SEMA3A: variants seen among roughly 807,000 people sequenced by gnomAD.
The protein encoded by SEMA3A is semaphorin 3A.
A neutral mutation model predicts 97.9 loss-of-function variants in SEMA3A; 29 were observed. The ratio of observed to expected loss-of-function variants is 0.30; its 90% CI spans 0.22 to 0.40. SEMA3A has a LOEUF of 0.40. Ranked by LOEUF, SEMA3A falls within the 10% of genes least tolerant of loss-of-function variation. SEMA3A has a pLI of 1.00. For missense variants in SEMA3A, 763 were observed against 951.3 expected (o/e 0.80, Z 2.60); for synonymous variants, 321 against 323.7 (o/e 0.99, Z 0.09).
intron 4 of SEMA3A, among the ~76,000 whole-genome samples, chr7:84,087,053 A>T (rs778335879): frequency 4.5e-4 from 69 of 152,246 alleles, no homozygotes; most frequent in Admixed American, 2.3e-3. Flanking sequence ...CATTCTCTTT[A>T]TTATGCAACA....
chr7:83,972,851 T>C (rs1788973509), intron 15 of SEMA3A, among the ~76,000 whole-genome samples: 1 of 152,136 alleles, frequency 6.6e-6, no homozygotes, highest in South Asian at 2.1e-4. Flanking sequence ...CTTGCACACA[T>C]ATAATATGAA....
intron 4 of SEMA3A, among the ~76,000 whole-genome samples, chr7:84,102,591 T>C (rs1045497371): frequency 3.1e-5 from 2 of 65,158 alleles, no homozygotes; most frequent in Admixed American, 2.9e-4. Context: ...ATTATCGCTT[T>C]TTTTTTTTTT....
chr7:84,018,582 A>G (rs773208542), intron 6 of SEMA3A, among the ~76,000 whole-genome samples: 1 of 152,228 alleles, frequency 6.6e-6, no homozygotes, highest in Non-Finnish European at 1.5e-5. Context: ...ACTACACCAG[A>G]AAGAATTTGC....
At chr7:84,323,975 A>T (rs972167842) in intron 2 of SEMA3A, among the ~76,000 whole-genome samples, 2 of 152,200 alleles carry the variant, frequency 1.3e-5, no homozygotes, top group Admixed American at 1.3e-4. Flanking sequence ...TTTAGTTTTT[A>T]AATGTGGTTT....
At chr7:84,195,026 GA>G (rs1798181569), upstream of SEMA3A, 1 of 30,550 alleles carries the variant, frequency 3.3e-5, no homozygotes, top group Non-Finnish European at 8.8e-5. Context: ...GAGAGAGAAA[GA>G]GAGAGAGAGA....
At chr7:84,442,462 T>C (rs896643567) in intron 1 of SEMA3A, among the ~76,000 whole-genome samples, 3 of 151,812 alleles carry the variant, frequency 2.0e-5, no homozygotes, top group African/African-American at 4.8e-5. Flanking sequence ...AGAAGTTAGC[T>C]AAAGAATAAA....
chr7:84,405,008 A>G (rs1051251856), intron 1 of SEMA3A, among the ~76,000 whole-genome samples: 1 of 152,206 alleles, frequency 6.6e-6, no homozygotes, highest in African/African-American at 2.4e-5. Context: ...ATAACCAGCT[A>G]AAAACATAAT....
chr7:84,383,765 C>T (rs1050845518), intron 1 of SEMA3A, among the ~76,000 whole-genome samples: 3 of 152,122 alleles, frequency 2.0e-5, no homozygotes, highest in Non-Finnish European at 4.4e-5. Context: ...TTTGTTGCTA[C>T]CATGAACAAG....
intron 15 of SEMA3A, among the ~76,000 whole-genome samples, chr7:83,971,985 CTG>C (rs10689027): frequency 0.37 from 54,956 of 149,934 alleles, 10,400 homozygotes; most frequent in Middle Eastern, 0.49. Context: ...ATTGGCTAGT[CTG>C]TGTGTGTGTG....
intron 2 of SEMA3A, among the ~76,000 whole-genome samples, chr7:84,363,861 T>C (rs1002216386): frequency 3.3e-5 from 5 of 151,812 alleles, no homozygotes; most frequent in African/African-American, 9.7e-5. Context: ...TTTAAAATAA[T>C]ATTAGGATAT....
In SEMA3A at chr7:84,011,103, C is replaced by CA. The variant is rs558780158; in HGVS notation, c.926-13dup. The CA allele has an allele frequency of 1.9e-4, 306 of 1,610,154 alleles. 2 individuals carry two copies. In the South Asian group the frequency reaches 2.1e-3, roughly 11 times the overall value. On this transcript the variant is annotated splice_polypyrimidine_tract_variant and intron_variant, in intron 8 of 16. Coordinates refer to ENST00000265362, the MANE Select transcript of SEMA3A (RefSeq NM_006080.3). ...TAGGAATACATCCTCTGTTTAAAAA[C>CA]AAAATTGGAGAAAGTTGCTTTTTTA... is the stretch of plus-strand genomic sequence containing the variant.
At chr7:84,352,568 A>G (rs904090838) in intron 2 of SEMA3A, among the ~76,000 whole-genome samples, 4 of 151,866 alleles carry the variant, frequency 2.6e-5, no homozygotes, top group Non-Finnish European at 4.4e-5. Flanking sequence ...AAATTTGGCC[A>G]AATTTTTAAA....
chr7:84,424,897 TTATA>T (rs1443403268), intron 1 of SEMA3A, among the ~76,000 whole-genome samples: 1 of 74,114 alleles, frequency 1.3e-5, no homozygotes, highest in African/African-American at 5.6e-5. Flanking sequence ...TATAAATAAT[TTATA>T]TAAACATAAA....
intron 4 of SEMA3A, among the ~76,000 whole-genome samples, chr7:84,083,288 CTTTT>C (rs1171744787): frequency 6.6e-6 from 1 of 151,670 alleles, no homozygotes; most frequent in Non-Finnish European, 1.5e-5. Flanking sequence ...AACCATATTT[CTTTT>C]TTATTTTTTT....
chr7:84,479,475 T>C (rs978140366), intron 1 of SEMA3A, among the ~76,000 whole-genome samples: 1 of 152,160 alleles, frequency 6.6e-6, no homozygotes, highest in Non-Finnish European at 1.5e-5. Context: ...CACAAAAATG[T>C]AGACATCATG....
At chr7:84,420,504 T>A (rs1033108087) in intron 1 of SEMA3A, among the ~76,000 whole-genome samples, 3 of 151,954 alleles carry the variant, frequency 2.0e-5, no homozygotes, top group African/African-American at 7.2e-5. Flanking sequence ...AATTATCCAG[T>A]CTGAAAAACA....
chr7:84,203,178 T>G (rs1239494897), intron 3 of SEMA3A, among the ~76,000 whole-genome samples: 1 of 152,058 alleles, frequency 6.6e-6, no homozygotes, highest in East Asian at 1.9e-4. Flanking sequence ...GAAAAAGCCT[T>G]GCATAATACA....
At chr7:84,433,323 A>G (rs901607984) in intron 1 of SEMA3A, among the ~76,000 whole-genome samples, 1 of 148,580 alleles carries the variant, frequency 6.7e-6, no homozygotes, top group African/African-American at 2.5e-5. Context: ...GAGAACATGC[A>G]GTGTTTGGTT....
chr7:84,452,477 T>C lies in SEMA3A; in HGVS notation c.-246+39983A>G, dbSNP rs557020449. ...TATGATATGGCCATTTGAGAGAATT[T>C]TGTTATTCCCAGAAACATTCACCAA... On this transcript the variant is annotated intron_variant, in intron 1 of 3. Transcript: ENST00000424555. 2.0e-5 allele frequency among the ~76,000 whole-genome samples: 3 copies of C among 152,318 alleles called. No individual in the cohort carries two copies. In the East Asian group the frequency reaches 5.8e-4, roughly 29 times the overall value.
Sources: gnomAD v4.1 joint callset for allele counts (sites outside exome capture counted in the v4.1 genomes callset) on GRCh38, gnomAD v4.1.1 for gene constraint, MANE v1.5 for transcripts, NCBI Gene and HGNC (gene_info 2026-07-23, HGNC 2026-07-21) for gene names.